KPNA5: variants seen among roughly 807,000 people sequenced by gnomAD.
KPNA5 encodes the protein importin subunit alpha-6.
In KPNA5, 46 loss-of-function variants were observed where a neutral mutation model predicts 71.3. The ratio of observed to expected loss-of-function variants is 0.65; its 90% CI spans 0.51 to 0.83. The LOEUF (loss-of-function observed/expected upper bound fraction) is 0.83, where lower values mean the gene tolerates loss of function less well. Ranked by LOEUF, KPNA5 falls within the 40% of genes least tolerant of loss-of-function variation. KPNA5 has a pLI of 0.00. For missense variants in KPNA5, 547 were observed against 628.3 expected (o/e 0.87, Z 1.38); for synonymous variants, 207 against 201.4 (o/e 1.03, Z -0.24).
chr6:116,687,807 T>C (rs1777648393), intron 1 of KPNA5, among the ~76,000 whole-genome samples: 1 of 152,230 alleles, frequency 6.6e-6, no homozygotes, highest in Non-Finnish European at 1.5e-5. Flanking sequence ...TTGTCTTCTA[T>C]GTTTTCATTG....
chr6:116,693,135 T>C (rs1377756717), intron 4 of KPNA5, among the ~76,000 whole-genome samples: 6 of 152,230 alleles, frequency 3.9e-5, no homozygotes, highest in Non-Finnish European at 8.8e-5. Context: ...CAGTCTATCA[T>C]TGTTGGACAT....
chr6:116,681,242 C>T lies in KPNA5; in HGVS notation c.-93C>T, dbSNP rs558765111. 3 of 1,560,384 alleles carry T rather than the reference C, an allele frequency of 1.9e-6. No homozygotes were observed. In the East Asian group the frequency reaches 6.9e-5, roughly 36 times the overall value. ...GATTGCGAACTGGGTCGCTACGCTT[C>T]ACGCCAGGGGCGGAGTGGCGGCCCT... On this transcript the variant is annotated 5_prime_UTR_variant, in exon 1 of 14. Coordinates refer to ENST00000368564, the MANE Select transcript of KPNA5 (RefSeq NM_001366306.2).
At chr6:116,692,499 A>G in intron 4 of KPNA5, 107 bp downstream of exon 4, 1 of 707,480 alleles carries the variant, frequency 1.4e-6, no homozygotes, top group Non-Finnish European at 2.4e-6. Context: ...TGCTAGACAC[A>G]GGTGTTATAT....
At chr6:116,703,322 G>A (rs1404105418) in intron 6 of KPNA5, among the ~76,000 whole-genome samples, 2 of 151,732 alleles carry the variant, frequency 1.3e-5, no homozygotes, top group Non-Finnish European at 2.9e-5. Flanking sequence ...GAATGCAATG[G>A]CGCGATCTCG....
At position 116,741,256 on chromosome 6, in the gene KPNA5, G is replaced by A. The variant is rs1000677750; in HGVS notation, c.*8933G>A. ...AGAGAGGTGTGTTAAAATCTCCCAA[G>A]ATGATTGGTGGATTTTGAATTTTCC... On this transcript the variant is annotated 3_prime_UTR_variant, in exon 14 of 14. Transcript: ENST00000368564. 2.0e-5 allele frequency: 3 copies of A among 152,058 alleles called. No individual in the cohort carries two copies. The highest frequency in any genetic ancestry group is 4.4e-5 in the Non-Finnish European group (3 of 68,008). 9.4% of individuals were successfully genotyped at this position (152,058 alleles called of 1,614,324 possible).
intron 7 of KPNA5, among the ~76,000 whole-genome samples, chr6:116,711,701 A>G (rs1005214958): frequency 1.3e-5 from 2 of 152,210 alleles, no homozygotes; most frequent in South Asian, 4.1e-4. Context: ...TCAAAAATTT[A>G]TCAGAGCTCA....
rs1439028493 is a variant in KPNA5 at position 116,692,116 on chromosome 6, T to C, written c.200T>C (p.Ile67Thr). 1 of 1,612,680 alleles carries C rather than the reference T, an allele frequency of 6.2e-7. No individual in the cohort carries two copies. The highest frequency in any genetic ancestry group is 8.5e-7 in the Non-Finnish European group (1 of 1,178,980). Residue 67 changes from isoleucine to threonine, a missense_variant, in exon 3 of 14, where the codon ATA (isoleucine) becomes ACA (threonine). Physicochemically the swap from Ile to Thr is moderately conservative, Grantham distance 89 (BLOSUM62 -1). Transcript: ENST00000368564. ...RNDESMLESPIQDPDISSTVP... is the reference protein window; with the variant it reads ...RNDESMLESPTQDPDISSTVP... ...GATGAATCTATGCTTGAAAGTCCTA[T>C]ACAGGATCCAGATATTAGTTCCACT...
intron 10 of KPNA5, among the ~76,000 whole-genome samples, chr6:116,724,647 G>A (rs1779231571): frequency 6.6e-6 from 1 of 152,176 alleles, no homozygotes; most frequent in African/African-American, 2.4e-5. Flanking sequence ...CTGGGGTGCA[G>A]TGGTGTGATC....
At chr6:116,691,388 A>G (rs1427980954) in intron 2 of KPNA5, among the ~76,000 whole-genome samples, 1 of 152,124 alleles carries the variant, frequency 6.6e-6, no homozygotes, top group African/African-American at 2.4e-5. Context: ...CAAGTAGCTG[A>G]GACCAGAGGC....
At chr6:116,718,778 CT>C (rs1778998961) in intron 8 of KPNA5, among the ~76,000 whole-genome samples, 1 of 141,350 alleles carries the variant, frequency 7.1e-6, no homozygotes, top group Non-Finnish European at 1.6e-5. Flanking sequence ...TTTTTTTCTT[CT>C]TTTTTTGAGA....
At chr6:116,713,354 T>C (rs1023779345) in intron 7 of KPNA5, among the ~76,000 whole-genome samples, 45 of 152,224 alleles carry the variant, frequency 3.0e-4, no homozygotes, top group African/African-American at 1.1e-3. Context: ...GAAGTCTTGG[T>C]TGAGAGCAGC....
intron 12 of KPNA5, 135 bp downstream of exon 12, chr6:116,726,757 T>TA: frequency 1.3e-6 from 1 of 794,630 alleles, no homozygotes; most frequent in Non-Finnish European, 1.9e-6. Flanking sequence ...CAGCATGTAT[T>TA]ATATCAGTTA....
At chr6:116,703,538 C>T (rs1778310290) in intron 6 of KPNA5, among the ~76,000 whole-genome samples, 1 of 152,138 alleles carries the variant, frequency 6.6e-6, no homozygotes, top group South Asian at 2.1e-4. Flanking sequence ...GCTGGGATTA[C>T]AGGTGTGAGC....
chr6:116,720,270 C>T (rs1779053355), intron 8 of KPNA5, among the ~76,000 whole-genome samples: 1 of 152,192 alleles, frequency 6.6e-6, no homozygotes, highest in African/African-American at 2.4e-5. Context: ...CCTCTCCTGG[C>T]ATTAAGCTTC....
In KPNA5 at chr6:116,734,752, A is replaced by T. The variant is rs1362630281; in HGVS notation, c.*2429A>T. 6.6e-6 allele frequency: 1 copy of T among 151,302 alleles called. No individual in the cohort carries two copies. The highest frequency in any genetic ancestry group is 1.5e-5 in the Non-Finnish European group (1 of 67,614). The allele number at this position is 151,302 out of a possible 1,614,324, so 9.4% of individuals were successfully genotyped here. ...AAAAAGAAAGAAAGAAAAGAAAAAAATAAATAAAATGCTCCAAAAAGTGTT... is the reference window on the plus strand; with the variant it reads ...AAAAAGAAAGAAAGAAAAGAAAAAATTAAATAAAATGCTCCAAAAAGTGTT... On this transcript the variant is annotated 3_prime_UTR_variant, in exon 14 of 14. Transcript: ENST00000368564.
At chr6:116,695,263 T>C (rs1777980278) in intron 4 of KPNA5, among the ~76,000 whole-genome samples, 1 of 152,206 alleles carries the variant, frequency 6.6e-6, no homozygotes, top group Admixed American at 6.5e-5. Context: ...TAAATGCTTA[T>C]ATAATAGTAA....
chr6:116,731,897 G>C (rs1002958096), intron 13 of KPNA5, among the ~76,000 whole-genome samples: 1 of 151,190 alleles, frequency 6.6e-6, no homozygotes, highest in African/African-American at 2.4e-5. Flanking sequence ...CCAGGCCTAT[G>C]GTCCTTCTTC....
chr6:116,692,286 G>T lies in KPNA5; in HGVS notation c.241-7G>T, dbSNP rs1212089421. ...ATGTTAATTATATTTTTGTGTGTGT[G>T]TTTTAGGAAGAAGTTGTTACTACAG... On this transcript the variant is annotated splice_region_variant and splice_polypyrimidine_tract_variant and intron_variant, in intron 3 of 13. Transcript: ENST00000368564. 1 of 1,551,496 alleles carries T rather than the reference G, an allele frequency of 6.4e-7. No individual in the cohort carries two copies. The highest frequency in any genetic ancestry group is 1.9e-5 in the Admixed American group (1 of 53,838).
At chr6:116,681,482 G>A (rs1176426438) in intron 1 of KPNA5, 144 bp downstream of exon 1, 11 of 1,384,968 alleles carry the variant, frequency 7.9e-6, no homozygotes, top group Non-Finnish European at 1.0e-5. Context: ...TGTTTCTCGT[G>A]TTTTCCCCAG....
Sources: gnomAD v4.1 joint callset for allele counts (sites outside exome capture counted in the v4.1 genomes callset) on GRCh38, gnomAD v4.1.1 for gene constraint, MANE v1.5 for transcripts, NCBI Gene and HGNC (gene_info 2026-07-23, HGNC 2026-07-21) for gene names.